CAST: variants seen among roughly 807,000 people sequenced by gnomAD.
CAST encodes calpastatin.
In CAST, 76 loss-of-function variants were observed where a neutral mutation model predicts 119.6. The observed-to-expected ratio is 0.64, with a 90% CI of 0.53 to 0.77. The LOEUF is 0.77. CAST is among the 30% of genes least tolerant of loss of function. The pLI, the probability that CAST is intolerant of heterozygous loss-of-function variation, is 0.00. For missense variants in CAST, 953 were observed against 946.5 expected (o/e 1.01, Z -0.09); for synonymous variants, 319 against 331.6 (o/e 0.96, Z 0.41).
the CAST span, among the ~76,000 whole-genome samples, chr5:95,993,858 A>G: frequency 1.3e-5 from 2 of 152,166 alleles, no homozygotes; most frequent in Admixed American, 6.6e-5. Flanking sequence ...CAGTAAGCAC[A>G]TGAAAAGGTA....
chr5:96,099,043 C>T, the CAST span, among the ~76,000 whole-genome samples: 2 of 152,124 alleles, frequency 1.3e-5, no homozygotes, highest in Non-Finnish European at 2.9e-5. Context: ...TTTCACCTCC[C>T]TAGTGAGCTG....
chr5:96,268,261 G>T, the CAST span, among the ~76,000 whole-genome samples: 3 of 152,098 alleles, frequency 2.0e-5, no homozygotes, highest in African/African-American at 7.2e-5. Context: ...ATGTAAAAGG[G>T]TTTAATTCTC....
the CAST span, among the ~76,000 whole-genome samples, chr5:96,027,924 A>C: frequency 7.2e-5 from 11 of 152,256 alleles, no homozygotes; most frequent in Non-Finnish European, 1.3e-4. Flanking sequence ...AAATCAGAAA[A>C]TTAGGGAAGA....
chr5:96,128,021 G>A, the CAST span, among the ~76,000 whole-genome samples: 122 of 152,182 alleles, frequency 8.0e-4, 1 homozygote, highest in African/African-American at 2.3e-3. Flanking sequence ...CTATGTCCTT[G>A]AGTTAGGTAA....
intron 1 of CAST, among the ~76,000 whole-genome samples, chr5:96,626,640 A>G (rs261236): frequency 0.89 from 135,832 of 152,192 alleles, 60,694 homozygotes; most frequent in East Asian, 0.94. Context: ...TGCCAGGGAG[A>G]GTCTCCCTAA....
At chr5:95,982,620 C>A in the CAST span, among the ~76,000 whole-genome samples, 1 of 152,090 alleles carries the variant, frequency 6.6e-6, no homozygotes, top group Admixed American at 6.6e-5. Context: ...GAGAATAGTG[C>A]CTCGCAGAGT....
chr5:96,021,235 T>C, the CAST span, among the ~76,000 whole-genome samples: 11 of 152,184 alleles, frequency 7.2e-5, no homozygotes, highest in African/African-American at 2.7e-4. Flanking sequence ...TGTATAACTG[T>C]GTGCTTTCTG....
the CAST span, among the ~76,000 whole-genome samples, chr5:96,273,814 G>A: frequency 4.4e-3 from 667 of 152,190 alleles, 6 homozygotes; most frequent in African/African-American, 0.016. Context: ...CTGATTGCTC[G>A]AGTATCTCCT....
chr5:96,339,264 A>C, the CAST span, among the ~76,000 whole-genome samples: 1 of 152,230 alleles, frequency 6.6e-6, no homozygotes, highest in African/African-American at 2.4e-5. Context: ...ATACGACCCC[A>C]AGAAACTTAT....
chr5:96,205,366 G>T, the CAST span, among the ~76,000 whole-genome samples: 1 of 151,984 alleles, frequency 6.6e-6, no homozygotes, highest in Non-Finnish European at 1.5e-5. Flanking sequence ...GGTTTGTTCT[G>T]TAGATAAATT....
chr5:96,174,727 C>A, the CAST span, among the ~76,000 whole-genome samples: 1 of 152,096 alleles, frequency 6.6e-6, no homozygotes, highest in Non-Finnish European at 1.5e-5. Flanking sequence ...CTTTTCTAAC[C>A]AATCAAAATA....
the CAST span, among the ~76,000 whole-genome samples, chr5:96,491,490 C>CAAAAAAAAAAA: frequency 1.0e-3 from 57 of 56,752 alleles, 1 homozygote; most frequent in East Asian, 1.4e-3. Flanking sequence ...GACTCCATCT[C>CAAAAAAAAAAA]AAAAAAAAAA....
the CAST span, among the ~76,000 whole-genome samples, chr5:96,361,612 A>G: frequency 3.0e-4 from 45 of 152,146 alleles, no homozygotes; most frequent in African/African-American, 8.9e-4. Flanking sequence ...TGCACTTCCC[A>G]TGTGAGACGA....
At chr5:96,389,573 TG>T in the CAST span, among the ~76,000 whole-genome samples, 1 of 152,220 alleles carries the variant, frequency 6.6e-6, no homozygotes, top group East Asian at 1.9e-4. Flanking sequence ...TCTGAGATGG[TG>T]GGTCGAAATT....
chr5:96,470,012 ATAAAT>A, the CAST span, among the ~76,000 whole-genome samples: 1 of 151,428 alleles, frequency 6.6e-6, no homozygotes, highest in African/African-American at 2.4e-5. Flanking sequence ...CATTTTAAAA[ATAAAT>A]TAATGTTATA....
the CAST span, among the ~76,000 whole-genome samples, chr5:96,020,538 C>T: frequency 6.6e-6 from 1 of 152,164 alleles, no homozygotes; most frequent in Non-Finnish European, 1.5e-5. Context: ...CTTGTCAGAT[C>T]AGCAGCTGCA....
chr5:95,991,353 T>C, the CAST span, among the ~76,000 whole-genome samples: 1 of 152,192 alleles, frequency 6.6e-6, no homozygotes, highest in Non-Finnish European at 1.5e-5. Context: ...CAGATTGTTA[T>C]GATGACCATA....
chr5:96,609,989 C>T (rs559970410), intron 1 of CAST, among the ~76,000 whole-genome samples: 11 of 152,110 alleles, frequency 7.2e-5, no homozygotes, highest in Admixed American at 5.2e-4. Context: ...GGCTGTGTCC[C>T]CACTCAAATC....
At chr5:96,366,901 G>T in the CAST span, among the ~76,000 whole-genome samples, 5 of 152,268 alleles carry the variant, frequency 3.3e-5, no homozygotes, top group Middle Eastern at 3.4e-3. Context: ...GGGGAGAGGC[G>T]CTCTGATTTT....
Sources: allele counts gnomAD v4.1 joint callset (sites outside exome capture counted in the v4.1 genomes callset), GRCh38; gene constraint gnomAD v4.1.1; transcripts MANE v1.5; gene names NCBI Gene and HGNC (gene_info 2026-07-23, HGNC 2026-07-21).